Variants in MARCHF3 observed in about 807,000 individuals in gnomAD.
MARCHF3 encodes the protein E3 ubiquitin-protein ligase MARCHF3.
A neutral mutation model predicts 24.2 loss-of-function variants in MARCHF3; 13 were observed. That is an observed-to-expected ratio of 0.54 (90% CI 0.35 to 0.85). The LOEUF (loss-of-function observed/expected upper bound fraction) is 0.85, where lower values mean the gene tolerates loss of function less well. Ranked by LOEUF, MARCHF3 falls within the 40% of genes least tolerant of loss-of-function variation. The probability of loss-of-function intolerance (pLI) is 0.01; values close to 1 mark genes in which losing one functional copy is unlikely to be tolerated. For synonymous variants in MARCHF3, 144 were observed against 137.3 expected, an observed-to-expected ratio of 1.05 and a Z score of -0.34; for missense variants, 276 against 325.0, an observed-to-expected ratio of 0.85 and a Z score of 1.16.
At chr5:126,898,847 A>T (rs1754011944) in intron 3 of MARCHF3, 1 of 976,476 alleles carries the variant, frequency 1.0e-6, no homozygotes, top group African/African-American at 1.8e-5. Flanking sequence ...GAGGTGAAGC[A>T]ATGATGAAAT....
chr5:126,987,727 T>C (rs35566904), intron 1 of MARCHF3, among the ~76,000 whole-genome samples: 7,810 of 152,156 alleles, frequency 0.051, 366 homozygotes, highest in South Asian at 0.13. Context: ...CCAGGCCCAC[T>C]GGGAAGCTGC....
chr5:126,904,301 T>A (rs1303048907), intron 3 of MARCHF3, among the ~76,000 whole-genome samples: 1 of 150,914 alleles, frequency 6.6e-6, no homozygotes, highest in Non-Finnish European at 1.5e-5. Flanking sequence ...TATAGCAGCA[T>A]GATTTATAGT....
At chr5:127,006,885 A>T (rs1483403298) in intron 1 of MARCHF3, among the ~76,000 whole-genome samples, 1 of 152,190 alleles carries the variant, frequency 6.6e-6, no homozygotes, top group African/African-American at 2.4e-5. Flanking sequence ...TCCGGGTTGC[A>T]CTAGCTTGCT....
At chr5:127,015,343 C>T (rs1380637757) in intron 1 of MARCHF3, among the ~76,000 whole-genome samples, 1 of 152,110 alleles carries the variant, frequency 6.6e-6, no homozygotes, top group Non-Finnish European at 1.5e-5. Context: ...CTTTTGAGAT[C>T]ACCTGGGGAA....
intron 1 of MARCHF3, among the ~76,000 whole-genome samples, chr5:127,027,147 C>T (rs1753024575): frequency 6.6e-6 from 1 of 152,170 alleles, no homozygotes; most frequent in African/African-American, 2.4e-5. Context: ...ATTCACAGTG[C>T]TCTCAGTGAA....
chr5:127,008,488 C>A (rs1238145176), intron 1 of MARCHF3, among the ~76,000 whole-genome samples: 2 of 152,162 alleles, frequency 1.3e-5, no homozygotes, highest in Admixed American at 6.6e-5. Context: ...GTCTGTCTCA[C>A]AGCAAAATTA....
intron 3 of MARCHF3, among the ~76,000 whole-genome samples, chr5:126,903,131 G>C (rs1754161899): frequency 6.6e-6 from 1 of 152,036 alleles, no homozygotes; most frequent in African/African-American, 2.4e-5. Context: ...TACTCTGAAA[G>C]GAAGATGAGG....
intron 3 of MARCHF3, among the ~76,000 whole-genome samples, chr5:126,884,413 A>G (rs1753442814): frequency 6.6e-6 from 1 of 152,202 alleles, no homozygotes; most frequent in African/African-American, 2.4e-5. Context: ...TCAAAGGAGA[A>G]CTTTACAGAG....
intron 1 of MARCHF3, among the ~76,000 whole-genome samples, chr5:126,974,716 G>A (rs1338679669): frequency 5.9e-5 from 9 of 152,184 alleles, no homozygotes; most frequent in Admixed American, 2.6e-4. Context: ...AAGTTACGGA[G>A]ACTGTGTTTA....
chr5:126,944,099 C>T (rs749882727), intron 1 of MARCHF3, among the ~76,000 whole-genome samples: 14 of 152,018 alleles, frequency 9.2e-5, no homozygotes, highest in Admixed American at 2.0e-4. Flanking sequence ...CGTGAGCCAC[C>T]GCGCCCAGCC....
At chr5:126,956,672 C>CAAA (rs1561446087) in intron 1 of MARCHF3, among the ~76,000 whole-genome samples, 1 of 115,872 alleles carries the variant, frequency 8.6e-6, no homozygotes, top group African/African-American at 3.6e-5. Context: ...AAAAAAAAAA[C>CAAA]CAAAAAAACA....
At chr5:126,950,735 A>C (rs1191253819) in intron 1 of MARCHF3, among the ~76,000 whole-genome samples, 1 of 152,106 alleles carries the variant, frequency 6.6e-6, no homozygotes, top group African/African-American at 2.4e-5. Flanking sequence ...TATTTCTTCC[A>C]CCTCAAAAAA....
chr5:126,878,284 C>A lies in MARCHF3; in HGVS notation c.504G>T (p.Arg168=). The change falls in exon 4 of 5, where the codon CGG becomes CGT. Residue 168 remains arginine (R), a synonymous_variant. Coordinates refer to ENST00000308660, the MANE Select transcript of MARCHF3 (RefSeq NM_178450.5). ...LATISGWLCL[R]GAVDHLHFSS... is the part of the protein sequence containing the mutation. ...TAAAGTGCAGGTGGTCCACGGCGCC[C>A]CGCAGGCACAGCCAGCCCGAGATGG... 1 of 1,614,248 alleles carries A rather than the reference C, an allele frequency of 6.2e-7. No homozygotes were observed. The highest frequency in any genetic ancestry group is 8.5e-7 in the Non-Finnish European group (1 of 1,180,048).
chr5:126,895,616 T>G lies in MARCHF3; in HGVS notation c.394-17222A>C, dbSNP rs561223497. On this transcript the variant is annotated intron_variant, in intron 3 of 4. Transcript: ENST00000308660. ...CCTGCTGGGGGGTGCCTCCCAGTTA[T>G]GCTGCTCGGGGGTCAGGGGTCAGGG... Among the ~76,000 whole-genome samples, 82 of 152,184 alleles carry G rather than the reference T, an allele frequency of 5.4e-4. 1 individual carries two copies. The highest frequency in any genetic ancestry group is 6.8e-3 in the Middle Eastern group (2 of 294).
Position 126,869,197 on chromosome 5 carries a change from C to T in MARCHF3, c.*1436G>A, listed in dbSNP as rs1472139037. ...CTGTTCCTTTGCACTTCTCGTTTTC[C>T]CACTTGGAACACAAGGCAGATGCTG... On this transcript the variant is annotated 3_prime_UTR_variant, in exon 5 of 5. Coordinates refer to ENST00000308660, the MANE Select transcript of MARCHF3 (RefSeq NM_178450.5). The T allele has an allele frequency of 1.3e-5, 2 of 152,232 alleles. No individual in the cohort carries two copies. The highest frequency in any genetic ancestry group is 4.8e-5 in the African/African-American group (2 of 41,450). 9.4% of individuals were successfully genotyped at this position (152,232 alleles called of 1,614,324 possible).
chr5:126,935,904 C>T (rs10071669), intron 1 of MARCHF3, among the ~76,000 whole-genome samples: 70,674 of 151,848 alleles, frequency 0.47, 16,948 homozygotes, highest in East Asian at 0.67. Context: ...AGCCACCACA[C>T]CTGGCCTATA....
In MARCHF3 at chr5:126,985,141, C is replaced by A. The variant is rs1434473527; in HGVS notation, c.-57+45209G>T. On this transcript the variant is annotated intron_variant, in intron 1 of 4. Transcript: ENST00000308660. The stretch of plus-strand genomic sequence containing the variant: ...ATGGGGATTTCCTTTGGGGGGACTA[C>A]TCTTGGCTTTTGTAACATGCATTTC... Among the ~76,000 whole-genome samples the A allele has an allele frequency of 2.6e-5, 4 of 152,206 alleles. No individual in the cohort carries two copies. In the East Asian group the frequency reaches 7.7e-4, roughly 29 times the overall value.
intron 3 of MARCHF3, among the ~76,000 whole-genome samples, chr5:126,889,333 T>C (rs1354989108): frequency 6.6e-6 from 1 of 151,938 alleles, no homozygotes; most frequent in African/African-American, 2.4e-5. Context: ...ATAACATGAA[T>C]ATGAACAATA....
chr5:126,992,479 C>T (rs185450995), intron 1 of MARCHF3, among the ~76,000 whole-genome samples: 1 of 152,294 alleles, frequency 6.6e-6, no homozygotes, highest in Non-Finnish European at 1.5e-5. Context: ...GCTTTCTCAT[C>T]TCCTTTCTAT....
Sources: gnomAD v4.1 joint callset for allele counts (sites outside exome capture counted in the v4.1 genomes callset) on GRCh38, gnomAD v4.1.1 for gene constraint, MANE v1.5 for transcripts, NCBI Gene and HGNC (gene_info 2026-07-23, HGNC 2026-07-21) for gene names.